Variants in SHTN1 observed in about 807,000 individuals in gnomAD.
The protein encoded by SHTN1 is shootin 1.
Under a neutral mutation model 83.1 loss-of-function variants are expected in SHTN1, and 42 were observed. The ratio of observed to expected loss-of-function variants is 0.51; its 90% CI spans 0.39 to 0.65. The LOEUF is 0.65. SHTN1 is among the 30% of genes least tolerant of loss of function. The probability of loss-of-function intolerance (pLI) is 0.00; values close to 1 mark genes in which losing one functional copy is unlikely to be tolerated. For synonymous variants in SHTN1, 224 were observed against 247.7 expected (o/e 0.90, Z 0.90); for missense variants, 622 against 737.8 (o/e 0.84, Z 1.82).
upstream of SHTN1, among the ~76,000 whole-genome samples, chr10:117,008,585 G>T (rs1335616886): frequency 6.6e-6 from 1 of 152,100 alleles, no homozygotes; most frequent in African/African-American, 2.4e-5. Flanking sequence ...GTGAAAACTT[G>T]ATCAGAAAAG....
intron 15 of SHTN1, among the ~76,000 whole-genome samples, chr10:116,902,197 C>T (rs910298615): frequency 6.6e-6 from 1 of 152,174 alleles, no homozygotes; most frequent in Non-Finnish European, 1.5e-5. Flanking sequence ...ACCACAAAAT[C>T]CCAGGCCACA....
intron 12 of SHTN1, 26 bp from the exon 13 acceptor site, chr10:116,915,510 C>A (rs1589803198): frequency 7.7e-7 from 1 of 1,304,248 alleles, no homozygotes; most frequent in East Asian, 2.3e-5. Flanking sequence ...AGACATAAAT[C>A]CTCTTATGTT....
intron 2 of SHTN1, among the ~76,000 whole-genome samples, chr10:117,030,797 A>T (rs971398554): frequency 6.6e-6 from 1 of 152,086 alleles, no homozygotes; most frequent in Non-Finnish European, 1.5e-5. Flanking sequence ...GCTATTTGAA[A>T]ATACTTGGCA....
chr10:116,915,333 G>A lies in SHTN1; in HGVS notation c.1305+42C>T, dbSNP rs2133354689. 2.9e-6 allele frequency: 3 copies of A among 1,042,450 alleles called. No homozygotes were observed. In the East Asian group the frequency reaches 7.2e-5, roughly 25 times the overall value. 64.6% of individuals were successfully genotyped at this position (1,042,450 alleles called of 1,614,324 possible). A position where few individuals can be genotyped will look rare whatever the true frequency, so the allele number is the denominator to read the frequency against. On this transcript the variant is annotated intron_variant, in intron 13 of 16. Coordinates refer to ENST00000355371, the MANE Select transcript of SHTN1 (RefSeq NM_001127211.3). ...ATTTCAAATTTATACATTTAAAAAAGGAAATATCAAACAGGGAAAAAAGCA... is the reference window on the plus strand; with the variant it reads ...ATTTCAAATTTATACATTTAAAAAAAGAAATATCAAACAGGGAAAAAAGCA...
intron 1 of SHTN1, among the ~76,000 whole-genome samples, chr10:117,124,087 T>C (rs914850812): frequency 6.6e-6 from 1 of 151,854 alleles, no homozygotes; most frequent in African/African-American, 2.4e-5. Context: ...GGTGCATGCC[T>C]GCAGTCCCAG....
intron 1 of SHTN1, among the ~76,000 whole-genome samples, chr10:117,060,904 C>A (rs1223639620): frequency 6.6e-6 from 1 of 152,098 alleles, no homozygotes; most frequent in Non-Finnish European, 1.5e-5. Flanking sequence ...TAGTACAGTG[C>A]CTAAAACAGT....
At chr10:117,084,790 C>T (rs1303667650) in intron 1 of SHTN1, among the ~76,000 whole-genome samples, 4 of 152,144 alleles carry the variant, frequency 2.6e-5, no homozygotes, top group African/African-American at 9.7e-5. Flanking sequence ...GTGGGAGTGA[C>T]CCGATTTTCC....
chr10:116,906,139 A>T (rs1847962473), intron 15 of SHTN1, among the ~76,000 whole-genome samples: 1 of 152,286 alleles, frequency 6.6e-6, no homozygotes, highest in Non-Finnish European at 1.5e-5. Context: ...GCACATTGCT[A>T]AGCATTTTTC....
At chr10:116,949,642 T>C (rs1227890745) in intron 6 of SHTN1, among the ~76,000 whole-genome samples, 1 of 152,154 alleles carries the variant, frequency 6.6e-6, no homozygotes, top group East Asian at 1.9e-4. Context: ...TGTGCACATG[T>C]GCCCTAGAAC....
At chr10:116,894,758 G>C (rs1234613343) in intron 16 of SHTN1, among the ~76,000 whole-genome samples, 2 of 152,200 alleles carry the variant, frequency 1.3e-5, no homozygotes, top group Non-Finnish European at 2.9e-5. Flanking sequence ...TCACCTTCCT[G>C]AAAGTAATTA....
At chr10:117,064,434 T>C (rs1423178418) in intron 1 of SHTN1, among the ~76,000 whole-genome samples, 1 of 152,126 alleles carries the variant, frequency 6.6e-6, no homozygotes, top group Admixed American at 6.5e-5. Context: ...GGCAGGCGGA[T>C]CACGAGGTCA....
chr10:116,907,863 TGTTTG>T, intron 14 of SHTN1: 1 of 517,534 alleles, frequency 1.9e-6, no homozygotes, highest in South Asian at 1.4e-5. Flanking sequence ...GCCTTTGTAA[TGTTTG>T]AACTCACTAA....
At chr10:116,959,165 C>G (rs773786797) in intron 4 of SHTN1, among the ~76,000 whole-genome samples, 6 of 152,026 alleles carry the variant, frequency 3.9e-5, no homozygotes, top group Admixed American at 1.3e-4. Context: ...TGTGAGAATA[C>G]CCATGTTATC....
chr10:117,024,348 CTTTTTT>C (rs1174576153), intron 2 of SHTN1, among the ~76,000 whole-genome samples: 1 of 77,710 alleles, frequency 1.3e-5, no homozygotes, highest in African/African-American at 5.2e-5. Context: ...CAAAACTTTT[CTTTTTT>C]TTTTTTTTTT....
chr10:116,937,783 T>A (rs1367874376), intron 9 of SHTN1, among the ~76,000 whole-genome samples: 1 of 152,262 alleles, frequency 6.6e-6, no homozygotes, highest in East Asian at 1.9e-4. Context: ...ATTCTCCCTA[T>A]CACTTTCCAG....
chr10:116,913,374 C>A (rs955224368), intron 13 of SHTN1, among the ~76,000 whole-genome samples: 4 of 151,932 alleles, frequency 2.6e-5, no homozygotes, highest in African/African-American at 9.7e-5. Flanking sequence ...TTGACCAGGT[C>A]ATTCAGCACT....
chr10:116,912,253 G>A (rs1848228577), intron 13 of SHTN1, among the ~76,000 whole-genome samples: 1 of 152,226 alleles, frequency 6.6e-6, no homozygotes, highest in Non-Finnish European at 1.5e-5. Context: ...AAACAAGGCA[G>A]TGCAGAGCAG....
At position 117,065,839 on chromosome 10, in the gene SHTN1, AGG is replaced by A. The variant is rs1564947441; in HGVS notation, c.-188-17331_-188-17330del. 1.8e-3 allele frequency among the ~76,000 whole-genome samples: 153 copies of A among 83,804 alleles called. 5 individuals are homozygous for A. Among genetic ancestry groups the A allele is most frequent in the East Asian group, 3.9e-3 (6 of 1,526 alleles). 55.0% of individuals were successfully genotyped at this position (83,804 alleles called of 152,430 possible). ...AAGGAAGGAAGGAAGGAAGGAAGGA[AGG>A]AAGGAAGGAAGGAAAGGAGGGAGGG... On this transcript the variant is annotated intron_variant, in intron 1 of 17. Coordinates refer to the SHTN1 transcript ENST00000392901.
intron 1 of SHTN1, among the ~76,000 whole-genome samples, chr10:117,098,342 C>A (rs1342071372): frequency 6.9e-6 from 1 of 144,280 alleles, no homozygotes; most frequent in Admixed American, 7.3e-5. Flanking sequence ...GCTTGCAGTG[C>A]GCCGACATCG....
Sources: allele counts gnomAD v4.1 joint callset (sites outside exome capture counted in the v4.1 genomes callset), GRCh38; gene constraint gnomAD v4.1.1; transcripts MANE v1.5; gene names NCBI Gene and HGNC (gene_info 2026-07-23, HGNC 2026-07-21).